The following CASR variants were observed in gnomAD, a reference collection of about 807,000 sequenced individuals.
The protein encoded by CASR is extracellular calcium-sensing receptor.
CASR carries 23 observed loss-of-function variants against 69.1 expected under a neutral mutation model. The observed-to-expected ratio is 0.33, with a 90% CI of 0.24 to 0.47. The LOEUF (loss-of-function observed/expected upper bound fraction) is 0.47. Among genes scored for constraint, CASR ranks in the 20% least tolerant of loss-of-function variants. The pLI is 1.00. For synonymous variants in CASR, 541 were observed against 544.7 expected, an observed-to-expected ratio of 0.99 and a Z score of 0.10; for missense variants, 924 against 1,356.1, an observed-to-expected ratio of 0.68 and a Z score of 5.00.
intron 1 of CASR, among the ~76,000 whole-genome samples, chr3:122,187,216 T>G (rs1019415787): frequency 6.6e-6 from 1 of 152,204 alleles, no homozygotes; most frequent in African/African-American, 2.4e-5. Context: ...GCAGGTGGGC[T>G]GTAATATCTT....
intron 1 of CASR, among the ~76,000 whole-genome samples, chr3:122,198,241 C>T (rs186977259): frequency 4.7e-4 from 71 of 152,196 alleles, no homozygotes; most frequent in Admixed American, 1.3e-3. Context: ...AGAATAAATG[C>T]TGAGGAGATG....
chr3:122,235,093 G>A (rs971936675), intron 1 of CASR, among the ~76,000 whole-genome samples: 3 of 152,198 alleles, frequency 2.0e-5, no homozygotes, highest in Admixed American at 1.3e-4. Flanking sequence ...ACAGTCACAG[G>A]TGCTGTGACT....
At chr3:122,227,318 G>T (rs2074233474) in intron 1 of CASR, among the ~76,000 whole-genome samples, 1 of 152,222 alleles carries the variant, frequency 6.6e-6, no homozygotes, top group Non-Finnish European at 1.5e-5. Flanking sequence ...GGGGGGTTGG[G>T]GTGGGGAGGG....
intron 1 of CASR, among the ~76,000 whole-genome samples, chr3:122,229,996 G>GT (rs2074264038): frequency 1.3e-5 from 2 of 152,186 alleles, no homozygotes; most frequent in South Asian, 2.1e-4. Context: ...GCTGCTTCCT[G>GT]TTTCTGAGCC....
rs144604474 is a variant in CASR, at chr3:122,254,285, T to C, written c.96T>C (p.Ile32=). The change falls in exon 2 of 7, where the codon ATT becomes ATC. Residue 32 remains isoleucine (I), a synonymous_variant. Coordinates refer to ENST00000639785, the MANE Select transcript of CASR (RefSeq NM_000388.4). The part of the protein sequence containing the change: ...PDQRAQKKGD[I]ILGGLFPIHF... ...AGCGAGCCCAAAAGAAGGGGGACAT[T>C]ATCCTTGGGGGGCTCTTTCCTATTC... is the stretch of plus-strand genomic sequence containing the variant. The C allele has an allele frequency of 6.2e-7, 1 of 1,614,114 alleles. No individual in the cohort carries two copies. The highest frequency in any genetic ancestry group is 1.3e-5 in the African/African-American group (1 of 74,998).
intron 3 of CASR, among the ~76,000 whole-genome samples, chr3:122,260,040 T>C (rs147341068): frequency 3.3e-5 from 5 of 152,260 alleles, no homozygotes; most frequent in African/African-American, 4.8e-5. Context: ...TGTGTAAAAA[T>C]GTTTCGTTCT....
At chr3:122,184,252 G>T in intron 1 of CASR, 1 of 153,404 alleles carries the variant, frequency 6.5e-6, no homozygotes, top group South Asian at 1.9e-4. Flanking sequence ...GGACCCCGAG[G>T]GGGCAAGCGG....
At chr3:122,202,743 T>A (rs1380547603) in intron 1 of CASR, among the ~76,000 whole-genome samples, 1 of 152,236 alleles carries the variant, frequency 6.6e-6, no homozygotes, top group Non-Finnish European at 1.5e-5. Context: ...TAAGAATAGT[T>A]ATAAAGACAT....
At chr3:122,270,748 T>G (rs562755673) in intron 4 of CASR, among the ~76,000 whole-genome samples, 4 of 152,226 alleles carry the variant, frequency 2.6e-5, no homozygotes, top group South Asian at 4.1e-4. Flanking sequence ...TTTTGATTTC[T>G]TCTTTGGCTC....
At chr3:122,264,829 A>G (rs1026494645) in intron 4 of CASR, among the ~76,000 whole-genome samples, 1 of 152,232 alleles carries the variant, frequency 6.6e-6, no homozygotes, top group Non-Finnish European at 1.5e-5. Flanking sequence ...TAAGACCTAT[A>G]TCTTCATCAG....
intron 4 of CASR, among the ~76,000 whole-genome samples, chr3:122,267,292 C>T (rs2074705570): frequency 1.3e-5 from 2 of 152,210 alleles, no homozygotes; most frequent in South Asian, 4.1e-4. Context: ...ACTTGGTAAG[C>T]ATAATAATTT....
At chr3:122,266,759 C>A (rs1012875338) in intron 4 of CASR, among the ~76,000 whole-genome samples, 1 of 152,120 alleles carries the variant, frequency 6.6e-6, no homozygotes, top group East Asian at 1.9e-4. Flanking sequence ...AGTCTCAACA[C>A]TTTGGGAGGC....
chr3:122,280,711 C>T (rs188814874), intron 5 of CASR, among the ~76,000 whole-genome samples: 36 of 152,092 alleles, frequency 2.4e-4, no homozygotes, highest in African/African-American at 8.7e-4. Context: ...TTTTTAACTC[C>T]TTTGTCAAGC....
chr3:122,236,669 G>A (rs2074331935), intron 1 of CASR, among the ~76,000 whole-genome samples: 1 of 152,166 alleles, frequency 6.6e-6, no homozygotes, highest in Admixed American at 6.5e-5. Context: ...ATGGACAAAA[G>A]CTAACAAACA....
At chr3:122,265,564 G>A (rs993443291) in intron 4 of CASR, among the ~76,000 whole-genome samples, 1 of 152,214 alleles carries the variant, frequency 6.6e-6, no homozygotes, top group Middle Eastern at 3.2e-3. Flanking sequence ...TGAGTGAATA[G>A]CAGTCTAGTT....
intron 1 of CASR, among the ~76,000 whole-genome samples, chr3:122,244,967 G>GT (rs781235025): frequency 1.3e-5 from 2 of 152,076 alleles, no homozygotes; most frequent in African/African-American, 4.8e-5. Flanking sequence ...TATAGCCATT[G>GT]TTTTAATAAC....
chr3:122,275,879 G>T lies in CASR; in HGVS notation c.1445G>T (p.Cys482Phe), dbSNP rs761468327. The part of the protein sequence containing the change: ...NMGEQVTFDE[C>F]GDLVGNYSII... The stretch of plus-strand genomic sequence containing the variant: ...GGGGAGCAGGTGACCTTTGATGAGT[G>T]TGGTGACCTGGTGGGGAACTATTCC... Residue 482 changes from cysteine to phenylalanine, a missense_variant, in exon 5 of 7, where the codon TGT becomes TTT. Cys to Phe is a radical substitution (Grantham distance 205). This residue lies in a region of CASR where 310 missense variants were observed against 395.7 expected (regional missense o/e 0.78). Transcript: ENST00000639785. The T allele has an allele frequency of 6.2e-7, 1 of 1,614,078 alleles. No individual in the cohort carries two copies. The highest frequency in any genetic ancestry group is 8.5e-7 in the Non-Finnish European group (1 of 1,180,008).
intron 3 of CASR, among the ~76,000 whole-genome samples, chr3:122,259,117 G>A (rs2074590383): frequency 6.6e-6 from 1 of 151,954 alleles, no homozygotes; most frequent in Non-Finnish European, 1.5e-5. Context: ...TGGGGGGTTG[G>A]GGCACAAAAT....
chr3:122,197,722 C>T (rs1415143714), intron 1 of CASR, among the ~76,000 whole-genome samples: 1 of 152,180 alleles, frequency 6.6e-6, no homozygotes, highest in Non-Finnish European at 1.5e-5. Context: ...ATCACATCGC[C>T]TCCCCTTCTT....
Sources: allele counts gnomAD v4.1 joint callset (sites outside exome capture counted in the v4.1 genomes callset), GRCh38; gene constraint gnomAD v4.1.1; regional missense constraint gnomAD v4.1.1; transcripts MANE v1.5; gene names NCBI Gene and HGNC (gene_info 2026-07-23, HGNC 2026-07-21).